ARID1B: variants seen among roughly 807,000 people sequenced by gnomAD.
ARID1B encodes the protein AT-rich interaction domain 1B, also known as AT-rich interactive domain-containing protein 1B.
ARID1B carries 30 observed loss-of-function variants against 212.3 expected under a neutral mutation model. That is an observed-to-expected ratio of 0.14 (90% CI 0.11 to 0.19). ARID1B has a LOEUF of 0.19. ARID1B is among the 10% of genes least tolerant of loss of function. The pLI is 1.00. For missense variants in ARID1B, 2,891 were observed against 3,204.0 expected (o/e 0.90, Z 2.36); for synonymous variants, 1,402 against 1,301.7 (o/e 1.08, Z -1.66).
intron 7 of ARID1B, among the ~76,000 whole-genome samples, chr6:157,138,573 A>G (rs1223290129): frequency 2.6e-5 from 4 of 152,178 alleles, no homozygotes. Context: ...GCTCTTCTGC[A>G]GATGTGGGGT....
At chr6:156,924,970 T>C (rs1279863957) in intron 3 of ARID1B, among the ~76,000 whole-genome samples, 1 of 152,222 alleles carries the variant, frequency 6.6e-6, no homozygotes, top group Admixed American at 6.5e-5. Flanking sequence ...TAGGCAACCA[T>C]GTGGCTTCCT....
chr6:157,055,492 C>CT (rs1187670774), intron 4 of ARID1B, among the ~76,000 whole-genome samples: 1 of 152,204 alleles, frequency 6.6e-6, no homozygotes, highest in Admixed American at 6.5e-5. Context: ...AGTAACTGCT[C>CT]TCTAGTCCTT....
intron 1 of ARID1B, among the ~76,000 whole-genome samples, chr6:156,787,627 T>A (rs2115136060): frequency 2.1e-5 from 3 of 145,216 alleles, no homozygotes; most frequent in Non-Finnish European, 4.5e-5. Flanking sequence ...TATAATAAAT[T>A]CACTCTAACT....
intron 4 of ARID1B, among the ~76,000 whole-genome samples, chr6:156,981,187 T>TG (rs2128376733): frequency 6.6e-6 from 1 of 152,312 alleles, no homozygotes; most frequent in African/African-American, 2.4e-5. Flanking sequence ...CTAAGATTGC[T>TG]CCAGGTCCAC....
intron 4 of ARID1B, among the ~76,000 whole-genome samples, chr6:156,972,335 A>T (rs1035184492): frequency 6.6e-6 from 1 of 152,188 alleles, no homozygotes; most frequent in African/African-American, 2.4e-5. Flanking sequence ...GGCCAGCCAA[A>T]GGCCCAGGGG....
At chr6:157,069,799 G>T (rs1009888115) in intron 4 of ARID1B, among the ~76,000 whole-genome samples, 2 of 152,152 alleles carry the variant, frequency 1.3e-5, no homozygotes, top group African/African-American at 4.8e-5. Flanking sequence ...AAGGAATCCC[G>T]CAAACATACC....
chr6:156,890,417 A>C (rs1328741035), intron 2 of ARID1B, among the ~76,000 whole-genome samples: 1 of 152,250 alleles, frequency 6.6e-6, no homozygotes, highest in African/African-American at 2.4e-5. Context: ...AGAACTTTTC[A>C]ATGTTTCCCA....
chr6:157,113,382 G>A (rs1787077524), intron 6 of ARID1B, among the ~76,000 whole-genome samples: 1 of 152,186 alleles, frequency 6.6e-6, no homozygotes, highest in Non-Finnish European at 1.5e-5. Flanking sequence ...ACTGGAGACT[G>A]GATCATTTAT....
intron 1 of ARID1B, among the ~76,000 whole-genome samples, chr6:156,826,256 A>C (rs1307133446): frequency 6.6e-6 from 1 of 152,236 alleles, no homozygotes; most frequent in African/African-American, 2.4e-5. Context: ...CTCCTGGCAC[A>C]GTCCTGTGGA....
At chr6:157,059,473 CT>C (rs756062272) in intron 4 of ARID1B, among the ~76,000 whole-genome samples, 19 of 152,266 alleles carry the variant, frequency 1.2e-4, no homozygotes, top group Admixed American at 2.6e-4. Flanking sequence ...TTAAAAGAGT[CT>C]GATTCATGTA....
intron 2 of ARID1B, among the ~76,000 whole-genome samples, chr6:156,880,098 C>G (rs1410062464): frequency 6.6e-6 from 1 of 152,254 alleles, no homozygotes; most frequent in African/African-American, 2.4e-5. Flanking sequence ...TGGCAAGAGA[C>G]TGCAGGCCAA....
At chr6:156,888,868 C>T (rs1179427841) in intron 2 of ARID1B, among the ~76,000 whole-genome samples, 1 of 152,132 alleles carries the variant, frequency 6.6e-6, no homozygotes, top group Non-Finnish European at 1.5e-5. Flanking sequence ...AGTTATGAGT[C>T]TCGCATTTAA....
chr6:157,202,120 A>G (rs143784527), intron 18 of ARID1B, among the ~76,000 whole-genome samples: 4,460 of 152,328 alleles, frequency 0.029, 228 homozygotes, highest in African/African-American at 0.1. Flanking sequence ...TGTGATACAT[A>G]GAACTGATAT....
intron 19 of ARID1B, chr6:157,205,378 G>T (rs1251424949): frequency 1.3e-5 from 2 of 152,204 alleles, no homozygotes; most frequent in Non-Finnish European, 2.9e-5. Context: ...GGGGGGTGTT[G>T]GGAGAGAGGG....
chr6:156,911,344 T>TG, intron 3 of ARID1B, among the ~76,000 whole-genome samples: 1 of 146,456 alleles, frequency 6.8e-6, no homozygotes, highest in Non-Finnish European at 1.5e-5. Flanking sequence ...ATTAGTTTTT[T>TG]TTTTTTTTTT....
At chr6:156,956,300 AC>A (rs1793975404) in intron 4 of ARID1B, among the ~76,000 whole-genome samples, 2 of 151,966 alleles carry the variant, frequency 1.3e-5, no homozygotes, top group South Asian at 2.1e-4. Flanking sequence ...CCTGCTTCTT[AC>A]CCCCACCCTT....
intron 1 of ARID1B, among the ~76,000 whole-genome samples, chr6:156,781,548 CAG>C (rs1779268785): frequency 6.6e-6 from 1 of 152,068 alleles, no homozygotes. Context: ...AGAGACTTGT[CAG>C]AGTGAAGGAA....
intron 12 of ARID1B, among the ~76,000 whole-genome samples, chr6:157,182,587 C>T (rs143052852): frequency 2.6e-5 from 4 of 152,110 alleles, no homozygotes; most frequent in Non-Finnish European, 4.4e-5. Context: ...GACGGCCTAC[C>T]GTGGTCTCAG....
At chr6:156,895,524 A>G (rs1788308302) in intron 2 of ARID1B, among the ~76,000 whole-genome samples, 1 of 152,168 alleles carries the variant, frequency 6.6e-6, no homozygotes. Context: ...CTTTTCTCGG[A>G]AGGACACCTC....
Sources: allele counts gnomAD v4.1 joint callset (sites outside exome capture counted in the v4.1 genomes callset), GRCh38; gene constraint gnomAD v4.1.1; transcripts MANE v1.5; gene names NCBI Gene and HGNC (gene_info 2026-07-23, HGNC 2026-07-21).